The following CNOT6 variants were observed in gnomAD, a reference collection of about 807,000 sequenced individuals.
CNOT6 encodes carbon catabolite repression 4 protein.
In CNOT6, 12 loss-of-function variants were observed where a neutral mutation model predicts 61.2. The ratio of observed to expected loss-of-function variants is 0.20; its 90% confidence interval spans 0.13 to 0.32. The LOEUF is 0.32. CNOT6 is among the 10% of genes least tolerant of loss of function. CNOT6 has a pLI of 1.00. For synonymous variants in CNOT6, 225 were observed against 240.6 expected, an observed-to-expected ratio of 0.94 and a Z score of 0.60; for missense variants, 405 against 663.9, an observed-to-expected ratio of 0.61 and a Z score of 4.28.
rs1316001584 is a variant in CNOT6, at chr5:180,494,446, AGGCGGCGGCGTCGGT to A, written c.-309_-295del. ...GAAAACGAGGGGGGCGCGGAGGAGG[AGGCGGCGGCGTCGGT>A]GGCGGCGGCGACGGCGGCGCGGAGG... On this transcript the variant is annotated 5_prime_UTR_variant, in exon 1 of 12. Transcript: ENST00000261951. The A allele has an allele frequency of 2.5e-4, 39 of 155,200 alleles. No homozygotes were observed. The highest frequency in any genetic ancestry group is 2.0e-3 in the Admixed American group (30 of 15,244). The allele number at this position is 155,200 out of a possible 1,614,324, so 9.6% of individuals were successfully genotyped here.
chr5:180,531,241 G>A (rs780128), intron 2 of CNOT6, among the ~76,000 whole-genome samples: 50,751 of 147,840 alleles, frequency 0.34, 9,539 homozygotes, highest in East Asian at 0.76. Context: ...GGCGGCTGCC[G>A]GGCAGAGGGG....
At chr5:180,551,867 TTTTTC>T (rs1367013838) in intron 3 of CNOT6, among the ~76,000 whole-genome samples, 5 of 151,714 alleles carry the variant, frequency 3.3e-5, no homozygotes, top group African/African-American at 1.2e-4. Flanking sequence ...CTCCTTTTTC[TTTTTC>T]TTTTTTTTTT....
At chr5:180,559,330 G>C (rs1488494264) in intron 4 of CNOT6, among the ~76,000 whole-genome samples, 1 of 152,110 alleles carries the variant, frequency 6.6e-6, no homozygotes, top group African/African-American at 2.4e-5. Flanking sequence ...GTCTTCTTGA[G>C]GGATTGAGCC....
At chr5:180,534,432 T>G (rs998806055) in intron 2 of CNOT6, 1 of 165,662 alleles carries the variant, frequency 6.0e-6, no homozygotes, top group East Asian at 1.6e-4. Flanking sequence ...GAATGGTATT[T>G]TGGTGTGCAG....
intron 2 of CNOT6, among the ~76,000 whole-genome samples, chr5:180,531,601 G>A (rs1266179156): frequency 6.6e-6 from 1 of 152,230 alleles, no homozygotes; most frequent in Non-Finnish European, 1.5e-5. Flanking sequence ...GGCAGAGGCT[G>A]CAATCTCAGC....
In CNOT6 at chr5:180,567,223, A is replaced by G. The variant is rs147748063; in HGVS notation, c.853A>G (p.Ile285Val). The G allele has an allele frequency of 5.4e-5, 86 of 1,606,038 alleles. No homozygotes were observed. The African/African-American group carries it at 6.2e-4, about 12-fold the overall frequency. ...QERKHVDGCAIFFKTEKFTLV... is the reference protein window; with the variant it reads ...QERKHVDGCAVFFKTEKFTLV... Reference sequence around the variant, plus strand: ...AAGGAAACATGTTGATGGCTGTGCAATATTCTTCAAGACAGAAAAGTAAGT... The same window carrying G: ...AAGGAAACATGTTGATGGCTGTGCAGTATTCTTCAAGACAGAAAAGTAAGT... Residue 285 changes from isoleucine (I) to valine (V), a missense_variant, in exon 8 of 12, where the codon ATA becomes GTA. Ile to Val is a conservative substitution (Grantham distance 29, BLOSUM62 3). This residue lies in a region of CNOT6 where 24 missense variants were observed against 85.2 expected (regional missense o/e 0.28). Coordinates refer to ENST00000261951, the MANE Select transcript of CNOT6 (RefSeq NM_001370472.1).
chr5:180,519,537 A>G (rs1269068925), intron 1 of CNOT6, among the ~76,000 whole-genome samples: 1 of 152,190 alleles, frequency 6.6e-6, no homozygotes, highest in Non-Finnish European at 1.5e-5. Context: ...TTCAGGTAAA[A>G]TTTACATAAA....
In CNOT6 at chr5:180,576,104, A is replaced by T. The variant is rs1760991729; in HGVS notation, c.*1904A>T. ...TCAGTACATTGGAAAGCTGGTATTG[A>T]TGTAGAACCAGTGCATAACTTTTTA... On this transcript the variant is annotated 3_prime_UTR_variant, in exon 12 of 12. Transcript: ENST00000261951. 1 of 152,432 alleles carries T rather than the reference A, an allele frequency of 6.6e-6. No homozygotes were observed. The highest frequency in any genetic ancestry group is 1.5e-5 in the Non-Finnish European group (1 of 68,012). 9.4% of individuals were successfully genotyped at this position (152,432 alleles called of 1,614,324 possible).
At chr5:180,560,223 G>A (rs1421873825) in intron 4 of CNOT6, among the ~76,000 whole-genome samples, 1 of 152,104 alleles carries the variant, frequency 6.6e-6, no homozygotes, top group African/African-American at 2.4e-5. Context: ...GGGATTACAG[G>A]TGTGAGCCAC....
intron 1 of CNOT6, among the ~76,000 whole-genome samples, chr5:180,508,614 A>G (rs958990146): frequency 4.0e-5 from 6 of 151,136 alleles, no homozygotes; most frequent in Non-Finnish European, 8.9e-5. Context: ...CCAGCCTAGT[A>G]AAGTTTTTTA....
At chr5:180,502,204 C>T (rs17697839) in intron 1 of CNOT6, among the ~76,000 whole-genome samples, 1 of 152,076 alleles carries the variant, frequency 6.6e-6, no homozygotes, top group African/African-American at 2.4e-5. Flanking sequence ...TTCCCCTGAT[C>T]TATTGGTTGA....
At chr5:180,567,763 A>G in intron 8 of CNOT6, 86 bp from the exon 9 acceptor site, 2 of 1,581,456 alleles carry the variant, frequency 1.3e-6, no homozygotes, top group Non-Finnish European at 1.7e-6. Context: ...CTGTTAAGGA[A>G]GTTTGGGAAA....
chr5:180,495,455 A>C (rs970867241), intron 1 of CNOT6: 1 of 152,072 alleles, frequency 6.6e-6, no homozygotes, highest in Non-Finnish European at 1.5e-5. Context: ...ACTTCCTTTG[A>C]TTCTTTACCT....
intron 1 of CNOT6, among the ~76,000 whole-genome samples, chr5:180,510,661 C>T (rs11745688): frequency 0.27 from 40,911 of 152,006 alleles, 6,140 homozygotes; most frequent in Middle Eastern, 0.41. Flanking sequence ...AAATTATTGT[C>T]TTTATATGAC....
At chr5:180,527,753 G>A (rs1485634839) in intron 1 of CNOT6, among the ~76,000 whole-genome samples, 1 of 152,294 alleles carries the variant, frequency 6.6e-6, no homozygotes, top group African/African-American at 2.4e-5. Context: ...TGTAGCCCAA[G>A]GGTTCTCAAC....
Position 180,550,157 on chromosome 5 carries a change from C to T in CNOT6, c.299+40C>T, listed in dbSNP as rs969345460. ...CTTAATACATACTAGCTATATGACCCCTAAAACAAAATATAGGCCGGGCGC... is the reference window on the plus strand; with the variant it reads ...CTTAATACATACTAGCTATATGACCTCTAAAACAAAATATAGGCCGGGCGC... On this transcript the variant is annotated intron_variant, in intron 3 of 11. Transcript: ENST00000261951. 6 of 1,537,184 alleles carry T rather than the reference C, an allele frequency of 3.9e-6. No homozygotes were observed. The African/African-American group carries it at 6.8e-5, about 17-fold the overall frequency.
intron 2 of CNOT6, among the ~76,000 whole-genome samples, chr5:180,549,025 A>G (rs1224600563): frequency 1.3e-5 from 2 of 152,152 alleles, no homozygotes; most frequent in Non-Finnish European, 2.9e-5. Flanking sequence ...TATGCCTACT[A>G]CTATTTGATT....
intron 1 of CNOT6, among the ~76,000 whole-genome samples, chr5:180,528,653 T>C (rs1758209494): frequency 6.6e-6 from 1 of 152,182 alleles, no homozygotes; most frequent in Non-Finnish European, 1.5e-5. Flanking sequence ...ACTGAGTTTT[T>C]TGATTTTTAG....
chr5:180,495,237 T>C (rs1304671079), intron 1 of CNOT6, among the ~76,000 whole-genome samples: 1 of 152,250 alleles, frequency 6.6e-6, no homozygotes, highest in Non-Finnish European at 1.5e-5. Context: ...CTAAAATGTT[T>C]TTAAAATTCA....
Sources: allele counts gnomAD v4.1 joint callset (sites outside exome capture counted in the v4.1 genomes callset), GRCh38; gene constraint gnomAD v4.1.1; regional missense constraint gnomAD v4.1.1; transcripts MANE v1.5; gene names NCBI Gene and HGNC (gene_info 2026-07-23, HGNC 2026-07-21).